FAM171A1: variants seen among roughly 807,000 people sequenced by gnomAD.
FAM171A1 encodes family with sequence similarity 171 member A1.
Under a neutral mutation model 74.9 loss-of-function variants are expected in FAM171A1, and 23 were observed. The ratio of observed to expected loss-of-function variants is 0.31; its 90% confidence interval spans 0.22 to 0.44. The LOEUF (loss-of-function observed/expected upper bound fraction) is 0.44, where lower values mean the gene tolerates loss of function less well. FAM171A1 is among the 20% of genes least tolerant of loss of function. The pLI is 1.00. For synonymous variants in FAM171A1, 527 were observed against 505.7 expected (o/e 1.04, Z -0.57); for missense variants, 1,162 against 1,159.2 (o/e 1.00, Z -0.03).
At chr10:15,268,800 G>C (rs1834782720) in intron 3 of FAM171A1, among the ~76,000 whole-genome samples, 1 of 152,196 alleles carries the variant, frequency 6.6e-6, no homozygotes, top group Non-Finnish European at 1.5e-5. Context: ...CCAACACTTT[G>C]GGAGGCCGAG....
chr10:15,240,708 T>TA (rs1834352988), intron 5 of FAM171A1: 1 of 985,170 alleles, frequency 1.0e-6, no homozygotes, highest in Non-Finnish European at 1.2e-6. Context: ...GTGTGTGAGT[T>TA]AGAGTTAAAA....
At position 15,266,218 on chromosome 10, in the gene FAM171A1, C is replaced by G. The variant is rs142665556; in HGVS notation, c.418+9637G>C. Among the ~76,000 whole-genome samples, 1,088 of 152,278 alleles carry G rather than the reference C, an allele frequency of 7.1e-3. 15 individuals carry two copies. Among genetic ancestry groups the G allele is most frequent in the African/African-American group, 0.025 (1,037 of 41,554 alleles). Reference sequence around the variant, plus strand: ...GGACCATTCAGCCGCTATTCTCAACCCCTGCTGGGTTCTTAGTTCAATCCC... The same window carrying G: ...GGACCATTCAGCCGCTATTCTCAACGCCTGCTGGGTTCTTAGTTCAATCCC... On this transcript the variant is annotated intron_variant, in intron 3 of 7. Transcript: ENST00000378116.
At chr10:15,370,106 A>G (rs74367781) in intron 1 of FAM171A1, among the ~76,000 whole-genome samples, 1 of 142,946 alleles carries the variant, frequency 7.0e-6, no homozygotes. Context: ...CGCTGATTTT[A>G]AAAACAAAAG....
intron 1 of FAM171A1, among the ~76,000 whole-genome samples, chr10:15,315,095 T>A (rs895251106): frequency 1.7e-4 from 26 of 152,362 alleles, no homozygotes; most frequent in African/African-American, 5.5e-4. Flanking sequence ...ATAAAGTCCA[T>A]CCATTTTAAT....
chr10:15,248,683 C>T lies in FAM171A1; in HGVS notation c.710G>A (p.Arg237Lys). The stretch of plus-strand genomic sequence containing the variant: ...CCACGCCGCGACATAGGCATTGTGC[C>T]TCAGGCTGCTCTGCGTGGCCAGGGG... ...TVPLATQSSL[R>K]HNAYVAAWRF... Residue 237 changes from arginine to lysine, a missense_variant, in exon 5 of 8, where the codon AGG (arginine) becomes AAG (lysine). Physicochemically the swap from Arg to Lys is conservative, Grantham distance 26. Transcript: ENST00000378116. 2 of 1,612,494 alleles carry T rather than the reference C, an allele frequency of 1.2e-6. No homozygotes were observed. Among genetic ancestry groups the T allele is most frequent in the Non-Finnish European group, 8.5e-7 (1 of 1,179,250 alleles).
chr10:15,331,795 GTGTATATA>G lies in FAM171A1; in HGVS notation c.97+39153_97+39160del, dbSNP rs1412046667. 1.4e-4 allele frequency among the ~76,000 whole-genome samples: 20 copies of G among 146,810 alleles called. 1 individual carries two copies. Among genetic ancestry groups the G allele is most frequent in the Non-Finnish European group, 6.0e-5 (4 of 66,776 alleles). ...GGTATATATATGTATAGATGTGTGTGTGTATATATGTATATATGTGGGTATATATATGT... is the reference window on the plus strand; with the variant it reads ...GGTATATATATGTATAGATGTGTGTGTGTATATATGTGGGTATATATATGT... On this transcript the variant is annotated intron_variant, in intron 1 of 7. Transcript: ENST00000378116.
intron 1 of FAM171A1, among the ~76,000 whole-genome samples, chr10:15,364,055 G>A (rs554822152): frequency 6.6e-6 from 1 of 152,062 alleles, no homozygotes; most frequent in Non-Finnish European, 1.5e-5. Context: ...GGTGGAGGGT[G>A]GGGGGGCGGT....
At position 15,213,742 on chromosome 10, in the gene FAM171A1, C is replaced by G. The variant is rs757510248; in HGVS notation, c.1846G>C (p.Ala616Pro). The G allele has an allele frequency of 1.1e-5, 18 of 1,613,600 alleles. No homozygotes were observed. In the East Asian group the frequency reaches 1.3e-4, roughly 12 times the overall value. Reference sequence around the variant, plus strand: ...CCGGCATGGGGATTGGACAGCTCAGCCTGTAGTCTTTCTATCTCAAGCTGC... The same window carrying G: ...CCGGCATGGGGATTGGACAGCTCAGGCTGTAGTCTTTCTATCTCAAGCTGC... ...DQQLEIERLQ[A>P]ELSNPHAGIF... Residue 616 changes from alanine (A) to proline (P), a missense_variant, in exon 8 of 8, where the codon GCT becomes CCT. By Grantham distance (27) the Ala-to-Pro change is conservative (BLOSUM62 -1). Coordinates refer to ENST00000378116, the MANE Select transcript of FAM171A1 (RefSeq NM_001010924.2). This position sits in a 1 kb window ranked among gnomAD's most constrained non-coding sequence, Gnocchi z 6.8.
intron 3 of FAM171A1, among the ~76,000 whole-genome samples, chr10:15,263,583 C>T (rs917478586): frequency 6.6e-6 from 1 of 152,196 alleles, no homozygotes; most frequent in African/African-American, 2.4e-5. Context: ...ATTACTGAGG[C>T]ATCACCTAAC....
chr10:15,316,503 T>C (rs916065577), intron 1 of FAM171A1, among the ~76,000 whole-genome samples: 2 of 152,204 alleles, frequency 1.3e-5, no homozygotes, highest in Non-Finnish European at 2.9e-5. Context: ...ACCCTGGTTC[T>C]AAGAAACCAT....
chr10:15,296,240 C>T (rs1223975998), intron 1 of FAM171A1, among the ~76,000 whole-genome samples: 1 of 152,020 alleles, frequency 6.6e-6, no homozygotes, highest in East Asian at 1.9e-4. Flanking sequence ...TTGTATTATT[C>T]TATTTTATTT....
At chr10:15,291,016 AATTTTTGT>A (rs1835096207) in intron 1 of FAM171A1, among the ~76,000 whole-genome samples, 1 of 152,096 alleles carries the variant, frequency 6.6e-6, no homozygotes, top group African/African-American at 2.4e-5. Flanking sequence ...ACATCCAGCT[AATTTTTGT>A]ATTTTTGTAG....
Position 15,283,924 on chromosome 10 carries a change from A to C in FAM171A1, c.279T>G (p.His93Gln), listed in dbSNP as rs749936432. The C allele has an allele frequency of 6.2e-7, 1 of 1,614,058 alleles. No homozygotes were observed. The highest frequency in any genetic ancestry group is 8.5e-7 in the Non-Finnish European group (1 of 1,180,036). Reference protein sequence around the residue: ...GSQLIVTASKHAYVPNSAPWK... With the variant: ...GSQLIVTASKQAYVPNSAPWK... Reference sequence around the variant, plus strand: ...ATGGGGCAGAGTTTGGCACGTAGGCATGCTTCGAGGCGGTGACAATCAACT... The same window carrying C: ...ATGGGGCAGAGTTTGGCACGTAGGCCTGCTTCGAGGCGGTGACAATCAACT... Residue 93 changes from histidine to glutamine, a missense_variant, in exon 2 of 8, where the codon CAT becomes CAG. Physicochemically the swap from His to Gln is conservative, Grantham distance 24. Transcript: ENST00000378116.
intron 1 of FAM171A1, among the ~76,000 whole-genome samples, chr10:15,290,300 C>T (rs1214791617): frequency 1.3e-5 from 2 of 152,050 alleles, no homozygotes; most frequent in African/African-American, 2.4e-5. Context: ...CTGACCCCAT[C>T]CCCTGCCCTC....
At chr10:15,339,731 G>T (rs1835742547) in intron 1 of FAM171A1, among the ~76,000 whole-genome samples, 1 of 152,098 alleles carries the variant, frequency 6.6e-6, no homozygotes, top group Non-Finnish European at 1.5e-5. Context: ...CTTAATGGGG[G>T]AAGACTTATG....
intron 4 of FAM171A1, among the ~76,000 whole-genome samples, chr10:15,253,838 C>G (rs2039745593): frequency 6.6e-6 from 1 of 152,160 alleles, no homozygotes; most frequent in South Asian, 2.1e-4. Context: ...ACCTCTTCCA[C>G]CAGGAGGAGT....
rs1835006019 is a variant in FAM171A1, at chr10:15,284,065, G to C, written c.138C>G (p.His46Gln). ...CGATGAGCGCATCTGCTACGGGCTG[G>C]TGGGTGCTGGCGTCGCTGATGTGCA... Reference protein sequence around the residue: ...LKVHISDASTHQPVADALIEI... With the variant: ...LKVHISDASTQQPVADALIEI... The change falls in exon 2 of 8, where the codon CAC becomes CAG. Residue 46 changes from histidine (H) to glutamine (Q), a missense_variant. By Grantham distance (24) the His-to-Gln change is conservative. Coordinates refer to ENST00000378116, the MANE Select transcript of FAM171A1 (RefSeq NM_001010924.2). 2.5e-6 allele frequency: 4 copies of C among 1,613,798 alleles called. No homozygotes were observed. The highest frequency in any genetic ancestry group is 3.4e-6 in the Non-Finnish European group (4 of 1,180,034).
At chr10:15,315,787 T>C (rs1259566577) in intron 1 of FAM171A1, among the ~76,000 whole-genome samples, 2 of 152,200 alleles carry the variant, frequency 1.3e-5, no homozygotes, top group East Asian at 1.9e-4. Context: ...GTCCTTTTTA[T>C]TGGAGACAAG....
At chr10:15,280,659 T>C (rs1025872333) in intron 2 of FAM171A1, among the ~76,000 whole-genome samples, 2 of 152,216 alleles carry the variant, frequency 1.3e-5, no homozygotes, top group Non-Finnish European at 2.9e-5. Flanking sequence ...CTGGGTTTCG[T>C]AAGAATGCTC....
Sources: allele counts gnomAD v4.1 joint callset (sites outside exome capture counted in the v4.1 genomes callset), GRCh38; gene constraint gnomAD v4.1.1; non-coding constraint Gnocchi (gnomAD v3.1); transcripts MANE v1.5; gene names NCBI Gene and HGNC (gene_info 2026-07-23, HGNC 2026-07-21).